Variants in EPB41L4A observed in about 807,000 individuals in gnomAD.
The protein encoded by EPB41L4A is band 4.1-like protein 4A.
A neutral mutation model predicts 108.6 loss-of-function variants in EPB41L4A; 100 were observed. The ratio of observed to expected loss-of-function variants is 0.92; its 90% CI spans 0.78 to 1.09. The LOEUF is 1.09. Ranked by LOEUF, EPB41L4A falls within the 50% of genes least tolerant of loss-of-function variation. The pLI is 0.00. For missense variants in EPB41L4A, 1,030 were observed against 842.7 expected (o/e 1.22, Z -2.75); for synonymous variants, 319 against 289.0 (o/e 1.10, Z -1.05).
chr5:112,333,234 C>A (rs900187801), intron 1 of EPB41L4A, among the ~76,000 whole-genome samples: 1 of 151,886 alleles, frequency 6.6e-6, no homozygotes, highest in African/African-American at 2.4e-5. Context: ...TTTCTTGGGG[C>A]AAGCTCCTAA....
At chr5:112,255,085 A>C (rs1750980485) in intron 9 of EPB41L4A, among the ~76,000 whole-genome samples, 1 of 151,054 alleles carries the variant, frequency 6.6e-6, no homozygotes, top group Non-Finnish European at 1.5e-5. Flanking sequence ...CTTCCCCCTA[A>C]AACTCCCAGC....
intron 2 of EPB41L4A, among the ~76,000 whole-genome samples, chr5:112,294,065 AC>A (rs1417134845): frequency 6.6e-6 from 1 of 152,140 alleles, no homozygotes. Context: ...ACACCACTAT[AC>A]CTCTAACCAG....
chr5:112,213,412 G>A (rs575760812), intron 12 of EPB41L4A, among the ~76,000 whole-genome samples: 21 of 150,408 alleles, frequency 1.4e-4, no homozygotes, highest in Non-Finnish European at 2.5e-4. Context: ...GCAGTGGCAC[G>A]ATCTCAGCTC....
intron 4 of EPB41L4A, among the ~76,000 whole-genome samples, chr5:112,269,916 C>T (rs1427670907): frequency 1.3e-5 from 2 of 152,170 alleles, no homozygotes; most frequent in African/African-American, 4.8e-5. Context: ...AGCATTCTGT[C>T]TTCCACTCTA....
chr5:112,163,496 A>T lies in EPB41L4A; in HGVS notation c.*1494T>A, dbSNP rs1431207915. On this transcript the variant is annotated 3_prime_UTR_variant, in exon 23 of 23. Coordinates refer to ENST00000261486, the MANE Select transcript of EPB41L4A (RefSeq NM_022140.5). The stretch of plus-strand genomic sequence containing the variant: ...AAACTCCACTAATTAATGGCAAGGT[A>T]AAGCATGATAAGCCAGAAAGGATGG... The T allele has an allele frequency of 6.6e-6, 1 of 152,248 alleles. No individual in the cohort carries two copies. Among genetic ancestry groups the T allele is most frequent in the East Asian group, 1.9e-4 (1 of 5,200 alleles). The allele number at this position is 152,248 out of a possible 1,614,324, so 9.4% of individuals were successfully genotyped here. A position where few individuals can be genotyped will look rare whatever the true frequency, so the allele number is the denominator to read the frequency against.
chr5:112,385,632 T>C lies in EPB41L4A; in HGVS notation c.99+33309A>G, dbSNP rs1369504805. ...TATCTCCTTATTGAAATTAGAAGAA[T>C]TGTAGTTCAAGTCAGAAGAGATAGC... is the stretch of plus-strand genomic sequence containing the variant. On this transcript the variant is annotated intron_variant, in intron 1 of 22. Coordinates refer to ENST00000261486, the MANE Select transcript of EPB41L4A (RefSeq NM_022140.5). Among the ~76,000 whole-genome samples, 4 of 152,064 alleles carry C rather than the reference T, an allele frequency of 2.6e-5. No homozygotes were observed. The East Asian group carries it at 5.8e-4, about 22-fold the overall frequency.
At chr5:112,158,838 A>T (rs1041830780), downstream of EPB41L4A, among the ~76,000 whole-genome samples, 3 of 152,020 alleles carry the variant, frequency 2.0e-5, no homozygotes, top group Admixed American at 6.5e-5. Context: ...GGAGTATGGG[A>T]ACTACAATTC....
intron 1 of EPB41L4A, among the ~76,000 whole-genome samples, chr5:112,407,157 T>C (rs1355689975): frequency 6.6e-6 from 1 of 152,086 alleles, no homozygotes; most frequent in Non-Finnish European, 1.5e-5. Context: ...GCTACCACAT[T>C]ATCTAGATTC....
In EPB41L4A at chr5:112,248,595, C is replaced by T. The variant is rs865928006; in HGVS notation, c.796-7785G>A. Among the ~76,000 whole-genome samples, 5 of 152,218 alleles carry T rather than the reference C, an allele frequency of 3.3e-5. 1 individual carries two copies. In the Middle Eastern group the frequency reaches 0.017, roughly 518 times the overall value. On this transcript the variant is annotated intron_variant, in intron 9 of 22. Transcript: ENST00000261486. ...TCTCTAGAGTAAACCTGACTCAAAC[C>T]CCCAATTCCATCATTTGTAAGAATT...
chr5:112,401,253 A>C (rs939517913), intron 1 of EPB41L4A, among the ~76,000 whole-genome samples: 6 of 152,184 alleles, frequency 3.9e-5, no homozygotes, highest in Admixed American at 3.9e-4. Context: ...CAGGCTTGAA[A>C]ACTAGCCACA....
intron 5 of EPB41L4A, among the ~76,000 whole-genome samples, chr5:112,265,777 G>A (rs770119207): frequency 6.6e-6 from 1 of 152,178 alleles, no homozygotes; most frequent in East Asian, 1.9e-4. Flanking sequence ...CACAGCCACC[G>A]TATTAACATG....
At chr5:112,269,459 G>A (rs1202362282) in intron 4 of EPB41L4A, among the ~76,000 whole-genome samples, 1 of 151,954 alleles carries the variant, frequency 6.6e-6, no homozygotes, top group Non-Finnish European at 1.5e-5. Context: ...ATATTTTATG[G>A]GGTTTATAGT....
At chr5:112,275,028 G>A (rs541333794) in intron 4 of EPB41L4A, among the ~76,000 whole-genome samples, 1 of 152,100 alleles carries the variant, frequency 6.6e-6, no homozygotes, top group Admixed American at 6.6e-5. Context: ...AAATAACTTC[G>A]ATATGAATAC....
At chr5:112,356,950 T>C (rs1265791129) in intron 1 of EPB41L4A, among the ~76,000 whole-genome samples, 1 of 152,206 alleles carries the variant, frequency 6.6e-6, no homozygotes, top group Admixed American at 6.5e-5. Flanking sequence ...CTGCTTTACA[T>C]TTTAAAGACA....
Position 112,170,472 on chromosome 5 carries a change from A to T in EPB41L4A, c.1671-103T>A. The T allele has an allele frequency of 7.9e-6, 6 of 760,358 alleles. No individual in the cohort carries two copies. In the South Asian group the frequency reaches 1.0e-4, roughly 13 times the overall value. The allele number at this position is 760,358 out of a possible 1,614,324, so 47.1% of individuals were successfully genotyped here. ...TTTTCCCTTTCTAATCTTGTCCCAA[A>T]ACAGTGTTAGTAAAACTAATGAAAA... On this transcript the variant is annotated intron_variant, in intron 19 of 22. Transcript: ENST00000261486.
intron 18 of EPB41L4A, among the ~76,000 whole-genome samples, chr5:112,183,688 A>G (rs532616717): frequency 1.3e-5 from 2 of 152,352 alleles, no homozygotes; most frequent in East Asian, 3.9e-4. Context: ...TCAAACTGAG[A>G]AGCAGCAGGT....
At chr5:112,253,383 G>A (rs981906221) in intron 9 of EPB41L4A, among the ~76,000 whole-genome samples, 4 of 152,102 alleles carry the variant, frequency 2.6e-5, no homozygotes, top group African/African-American at 9.7e-5. Flanking sequence ...AAACAGTGGG[G>A]TATAACTGTA....
chr5:112,276,270 C>T (rs1561533253), intron 3 of EPB41L4A, among the ~76,000 whole-genome samples: 2 of 152,108 alleles, frequency 1.3e-5, no homozygotes, highest in Admixed American at 6.5e-5. Context: ...ACTATGCCTA[C>T]AAACTTTTTT....
intron 1 of EPB41L4A, among the ~76,000 whole-genome samples, chr5:112,329,509 C>T (rs1376661190): frequency 6.6e-6 from 1 of 152,188 alleles, no homozygotes; most frequent in Non-Finnish European, 1.5e-5. Flanking sequence ...CTTAATCTCT[C>T]TGGCCCTAAA....
Sources: gnomAD v4.1 joint callset for allele counts (sites outside exome capture counted in the v4.1 genomes callset) on GRCh38, gnomAD v4.1.1 for gene constraint, MANE v1.5 for transcripts, NCBI Gene and HGNC (gene_info 2026-07-23, HGNC 2026-07-21) for gene names.